The following NAALADL2 variants were observed in gnomAD, a reference collection of about 807,000 sequenced individuals.
The protein encoded by NAALADL2 is inactive N-acetylated-alpha-linked acidic dipeptidase-like protein 2.
NAALADL2 carries 76 observed loss-of-function variants against 87.2 expected under a neutral mutation model. The ratio of observed to expected loss-of-function variants is 0.87; its 90% CI spans 0.72 to 1.05. NAALADL2 has a LOEUF of 1.05. Ranked by LOEUF, NAALADL2 falls within the 50% of genes least tolerant of loss-of-function variation. The probability of loss-of-function intolerance (pLI) is 0.00; values close to 1 mark genes in which losing one functional copy is unlikely to be tolerated. For missense variants in NAALADL2, 1,089 were observed against 945.8 expected, an observed-to-expected ratio of 1.15 and a Z score of -1.99; for synonymous variants, 354 against 331.0, an observed-to-expected ratio of 1.07 and a Z score of -0.75.
chr3:175,410,070 A>G (rs909867018), intron 5 of NAALADL2, among the ~76,000 whole-genome samples: 2 of 152,168 alleles, frequency 1.3e-5, no homozygotes, highest in Non-Finnish European at 2.9e-5. Context: ...AATAGCCTAA[A>G]TTAAAATCTC....
chr3:175,369,022 T>G (rs1428972676), intron 5 of NAALADL2, among the ~76,000 whole-genome samples: 1 of 152,212 alleles, frequency 6.6e-6, no homozygotes, highest in Non-Finnish European at 1.5e-5. Context: ...GACGTTACTA[T>G]GCATTACTGT....
At chr3:175,589,069 T>G (rs1344739577) in intron 10 of NAALADL2, among the ~76,000 whole-genome samples, 1 of 152,204 alleles carries the variant, frequency 6.6e-6, no homozygotes, top group Non-Finnish European at 1.5e-5. Flanking sequence ...ATCATTAGAA[T>G]TTATGTGTTT....
chr3:175,141,856 C>T (rs2108729844), intron 2 of NAALADL2, among the ~76,000 whole-genome samples: 1 of 152,140 alleles, frequency 6.6e-6, no homozygotes, highest in African/African-American at 2.4e-5. Context: ...TTCAAATGAT[C>T]AAGGTATTTT....
At chr3:174,899,993 TATTA>T (rs1732115601) in intron 1 of NAALADL2, among the ~76,000 whole-genome samples, 1 of 152,106 alleles carries the variant, frequency 6.6e-6, no homozygotes, top group Non-Finnish European at 1.5e-5. Context: ...TTATTTTATA[TATTA>T]ATTTCAACCA....
chr3:174,512,428 T>C (rs1343548888), intron 1 of NAALADL2, among the ~76,000 whole-genome samples: 2 of 152,162 alleles, frequency 1.3e-5, no homozygotes, highest in Non-Finnish European at 2.9e-5. Flanking sequence ...TGGGTGTCTC[T>C]TCATTATAAA....
At chr3:174,949,403 T>C (rs569251929) in intron 1 of NAALADL2, among the ~76,000 whole-genome samples, 2 of 150,960 alleles carry the variant, frequency 1.3e-5, no homozygotes, top group South Asian at 2.1e-4. Context: ...GTGGGGAGGG[T>C]TGTCCCTGAT....
chr3:175,490,415 C>T (rs1351912134), intron 9 of NAALADL2, among the ~76,000 whole-genome samples: 5 of 152,016 alleles, frequency 3.3e-5, no homozygotes, highest in Admixed American at 3.3e-4. Flanking sequence ...GAGACAGAGT[C>T]TCACTCTGTC....
intron 1 of NAALADL2, among the ~76,000 whole-genome samples, chr3:175,068,628 T>A (rs893624984): frequency 6.6e-6 from 1 of 152,090 alleles, no homozygotes; most frequent in Non-Finnish European, 1.5e-5. Flanking sequence ...TGCTATCAAG[T>A]TCACTTGGGA....
At chr3:175,361,421 A>G (rs1764994857) in intron 5 of NAALADL2, among the ~76,000 whole-genome samples, 1 of 148,262 alleles carries the variant, frequency 6.7e-6, no homozygotes, top group Non-Finnish European at 1.5e-5. Flanking sequence ...TTCTAGTTCT[A>G]GATCCTTGAG....
intron 2 of NAALADL2, among the ~76,000 whole-genome samples, chr3:175,232,221 A>ACAAGAAGAG (rs1560200506): frequency 2.0e-5 from 3 of 148,638 alleles, no homozygotes; most frequent in African/African-American, 7.4e-5. Context: ...GAAGAGAAGA[A>ACAAGAAGAG]GAAGAAGAGG....
intron 2 of NAALADL2, among the ~76,000 whole-genome samples, chr3:174,656,603 T>A (rs1724955528): frequency 6.6e-6 from 1 of 152,212 alleles, no homozygotes; most frequent in African/African-American, 2.4e-5. Flanking sequence ...TTTTTTTGTT[T>A]AAGGTTCCAG....
intron 5 of NAALADL2, among the ~76,000 whole-genome samples, chr3:175,358,623 C>T (rs1233092157): frequency 2.0e-5 from 3 of 151,920 alleles, no homozygotes; most frequent in African/African-American, 7.2e-5. Flanking sequence ...AATGTTTTTC[C>T]AAAGGTAGGA....
At chr3:175,443,574 T>C (rs773189492) in intron 5 of NAALADL2, among the ~76,000 whole-genome samples, 3 of 152,182 alleles carry the variant, frequency 2.0e-5, no homozygotes, top group Non-Finnish European at 4.4e-5. Flanking sequence ...ATAGCAAGCA[T>C]AGAATTATAA....
intron 9 of NAALADL2, among the ~76,000 whole-genome samples, chr3:175,484,681 G>A (rs941810646): frequency 5.9e-5 from 9 of 152,086 alleles, no homozygotes; most frequent in African/African-American, 2.2e-4. Flanking sequence ...GTGTTGATTA[G>A]ACTTGAGGCT....
At chr3:174,867,445 A>T (rs865909460) in intron 1 of NAALADL2, among the ~76,000 whole-genome samples, 1 of 151,896 alleles carries the variant, frequency 6.6e-6, no homozygotes, top group African/African-American at 2.4e-5. Flanking sequence ...ACCATAAGCC[A>T]TTTTCCTTTT....
At chr3:175,274,619 C>G (rs890242832) in intron 4 of NAALADL2, among the ~76,000 whole-genome samples, 3 of 152,132 alleles carry the variant, frequency 2.0e-5, no homozygotes, top group Non-Finnish European at 4.4e-5. Context: ...GGCTTGGGCT[C>G]TGGAGTCAGT....
At chr3:174,579,761 C>T (rs959793962) in intron 2 of NAALADL2, among the ~76,000 whole-genome samples, 2 of 152,012 alleles carry the variant, frequency 1.3e-5, no homozygotes, top group East Asian at 3.9e-4. Context: ...CTAGATATGG[C>T]ATTAAAATGT....
chr3:175,787,239 C>T (rs1032464615), intron 13 of NAALADL2, among the ~76,000 whole-genome samples: 3 of 152,278 alleles, frequency 2.0e-5, no homozygotes, highest in Admixed American at 6.5e-5. Context: ...GTGGGCTCCA[C>T]CCAGTTCGAG....
intron 1 of NAALADL2, among the ~76,000 whole-genome samples, chr3:174,508,999 A>G (rs73882403): frequency 6.6e-6 from 1 of 152,050 alleles, no homozygotes; most frequent in Non-Finnish European, 1.5e-5. Context: ...TTTATTAGTT[A>G]TAGTATCTTC....
Sources: gnomAD v4.1 joint callset for allele counts (sites outside exome capture counted in the v4.1 genomes callset) on GRCh38, gnomAD v4.1.1 for gene constraint, MANE v1.5 for transcripts, NCBI Gene and HGNC (gene_info 2026-07-23, HGNC 2026-07-21) for gene names.